JAKMIP1: variants seen among roughly 807,000 people sequenced by gnomAD.
JAKMIP1 encodes the protein janus kinase and microtubule-interacting protein 1.
Under a neutral mutation model 113.0 loss-of-function variants are expected in JAKMIP1, and 33 were observed. That is an observed-to-expected ratio of 0.29 (90% CI 0.22 to 0.39). JAKMIP1 has a LOEUF of 0.39. JAKMIP1 is among the 10% of genes least tolerant of loss of function. The pLI, the probability that JAKMIP1 is intolerant of heterozygous loss-of-function variation, is 1.00. For synonymous variants in JAKMIP1, 480 were observed against 459.9 expected, an observed-to-expected ratio of 1.04 and a Z score of -0.56; for missense variants, 813 against 1,080.5, an observed-to-expected ratio of 0.75 and a Z score of 3.47.
rs950191583 is a variant in JAKMIP1 at position 6,139,079 on chromosome 4, C to T, written c.-147-26082G>A. On this transcript the variant is annotated intron_variant, in intron 1 of 20. Coordinates refer to ENST00000409021, the MANE Select transcript of JAKMIP1 (RefSeq NM_001099433.2). This position sits in a 1 kb window ranked among gnomAD's most constrained non-coding sequence, Gnocchi z 5.2. ...AAACACACACACACACACACACACACACACATATACACACACACACACACA... is the reference window on the plus strand; with the variant it reads ...AAACACACACACACACACACACACATACACATATACACACACACACACACA... 5.1e-5 allele frequency among the ~76,000 whole-genome samples: 7 copies of T among 137,350 alleles called. No individual in the cohort carries two copies. The South Asian group carries it at 6.5e-4, about 13-fold the overall frequency. The allele number at this position is 137,350 out of a possible 152,430, so 90.1% of individuals were successfully genotyped here.
chr4:6,164,566 C>T (rs1220217154), intron 1 of JAKMIP1, among the ~76,000 whole-genome samples: 1 of 152,142 alleles, frequency 6.6e-6, no homozygotes, highest in African/African-American at 2.4e-5. Context: ...GAGCCTATGG[C>T]TGCTGTAGAT....
Position 6,058,993 on chromosome 4 carries a change from G to T in JAKMIP1, c.1644+1431C>A, listed in dbSNP as rs149872978. On this transcript the variant is annotated intron_variant, in intron 11 of 20. Coordinates refer to ENST00000409021, the MANE Select transcript of JAKMIP1 (RefSeq NM_001099433.2). ...TCTGTCCTCCTGCTTAATGTGTTAG[G>T]TATTATTATTAGCCCCATTTTAAAG... 4.5e-3 allele frequency among the ~76,000 whole-genome samples: 686 copies of T among 152,256 alleles called. 4 individuals are homozygous for T. The highest frequency in any genetic ancestry group is 0.016 in the African/African-American group (649 of 41,540).
At chr4:6,128,405 G>A (rs552619329) in intron 1 of JAKMIP1, among the ~76,000 whole-genome samples, 1 of 152,294 alleles carries the variant, frequency 6.6e-6, no homozygotes, top group East Asian at 1.9e-4. Context: ...CCGTAGCTGG[G>A]GCCCAGGGGC....
chr4:6,095,714 T>G (rs1428207535), intron 3 of JAKMIP1, among the ~76,000 whole-genome samples: 1 of 152,180 alleles, frequency 6.6e-6, no homozygotes, highest in Non-Finnish European at 1.5e-5. Flanking sequence ...TTTCCTTCGG[T>G]AGACTCCTGG....
intron 1 of JAKMIP1, among the ~76,000 whole-genome samples, chr4:6,170,554 A>ATAG (rs1724429838): frequency 6.7e-6 from 1 of 149,688 alleles, no homozygotes; most frequent in Admixed American, 6.6e-5. Context: ...CTCCATCACC[A>ATAG]TCACCACCAC....
Position 6,158,814 on chromosome 4 carries a change from C to T in JAKMIP1, c.-148+41439G>A, listed in dbSNP as rs892958684. Among the ~76,000 whole-genome samples, 11 of 152,078 alleles carry T rather than the reference C, an allele frequency of 7.2e-5. No homozygotes were observed. Among genetic ancestry groups the T allele is most frequent in the African/African-American group, 2.7e-4 (11 of 41,400 alleles). ...AATTTAAAACACATACTGGGCCGGG[C>T]GTGGTGACTCACACCTGTAATCTCA... On this transcript the variant is annotated intron_variant, in intron 1 of 20. Coordinates refer to ENST00000409021, the MANE Select transcript of JAKMIP1 (RefSeq NM_001099433.2). The surrounding 1 kb of genome is among the most constrained non-coding windows in gnomAD (Gnocchi z 5.3).
At chr4:6,195,096 G>C (rs1727706932) in intron 1 of JAKMIP1, among the ~76,000 whole-genome samples, 1 of 152,234 alleles carries the variant, frequency 6.6e-6, no homozygotes, top group Non-Finnish European at 1.5e-5. Flanking sequence ...TTTCCCAAAT[G>C]AGGAACCTGA....
rs188471624 is a variant in JAKMIP1 at position 6,080,945 on chromosome 4, G to A, written c.1102-633C>T. Among the ~76,000 whole-genome samples the A allele has an allele frequency of 4.0e-4, 59 of 146,190 alleles. No homozygotes were observed. The highest frequency in any genetic ancestry group is 1.5e-3 in the African/African-American group (56 of 37,830). On this transcript the variant is annotated intron_variant, in intron 6 of 20. Coordinates refer to ENST00000409021, the MANE Select transcript of JAKMIP1 (RefSeq NM_001099433.2). This position sits in a 1 kb window ranked among gnomAD's most constrained non-coding sequence, Gnocchi z 6.0. The stretch of plus-strand genomic sequence containing the variant: ...GAAATGAGCCTAGAAACCTGGGAGG[G>A]GAAGGCAGGGGAAGGAGAGGACTTC...
At position 6,098,738 on chromosome 4, in the gene JAKMIP1, A is replaced by G. The variant is rs200401491; in HGVS notation, c.624+6735T>C. On this transcript the variant is annotated intron_variant, in intron 3 of 20. Transcript: ENST00000409021. ...AAAGAAAGAAAAAGAAAGAAAGAGA[A>G]GGAAGGAAGGAAGGAAAGAAAGAGA... is the stretch of plus-strand genomic sequence containing the variant. Among the ~76,000 whole-genome samples, 3 of 5,290 alleles carry G rather than the reference A, an allele frequency of 5.7e-4. No individual in the cohort carries two copies. In the Admixed American group the frequency reaches 8.3e-3, roughly 15 times the overall value. 3.5% of individuals were successfully genotyped at this position (5,290 alleles called of 152,430 possible).
In JAKMIP1 at chr4:6,167,583, C is replaced by A. The variant is rs1723792297; in HGVS notation, c.-148+32670G>T. Among the ~76,000 whole-genome samples the A allele has an allele frequency of 6.6e-6, 1 of 152,168 alleles. No homozygotes were observed. Among genetic ancestry groups the A allele is most frequent in the African/African-American group, 2.4e-5 (1 of 41,434 alleles). ...CTGATGCCATCTTGAAATTCTTAAC[C>A]ATTTTTTAACAAGGAGCCCCAAAAA... On this transcript the variant is annotated intron_variant, in intron 1 of 20. Coordinates refer to ENST00000409021, the MANE Select transcript of JAKMIP1 (RefSeq NM_001099433.2). The surrounding 1 kb of genome is among the most constrained non-coding windows in gnomAD (Gnocchi z 5.3).
At position 6,059,868 on chromosome 4, in the gene JAKMIP1, C is replaced by G. The variant is rs181056015; in HGVS notation, c.1644+556G>C. ...CACCCAGAGCCCTCTCTGGCTCCCC[C>G]ACTCCAGGGGACAGGTCTAGGCCCA... On this transcript the variant is annotated intron_variant, in intron 11 of 20. Transcript: ENST00000409021. This position sits in a 1 kb window ranked among gnomAD's most constrained non-coding sequence, Gnocchi z 4.8. Among the ~76,000 whole-genome samples the G allele has an allele frequency of 1.3e-5, 2 of 152,244 alleles. No homozygotes were observed. Among genetic ancestry groups the G allele is most frequent in the Admixed American group, 1.3e-4 (2 of 15,308 alleles).
At chr4:6,074,644 C>T (rs185819342) in intron 8 of JAKMIP1, among the ~76,000 whole-genome samples, 91 of 152,314 alleles carry the variant, frequency 6.0e-4, no homozygotes, top group South Asian at 8.3e-4. Flanking sequence ...ATATAACCTA[C>T]GCACATCCTC....
At position 6,057,704 on chromosome 4, in the gene JAKMIP1, C is replaced by T. The variant is rs116126062; in HGVS notation, c.1645-945G>A. Among the ~76,000 whole-genome samples the T allele has an allele frequency of 5.7e-3, 872 of 152,310 alleles. 13 individuals carry two copies. Among genetic ancestry groups the T allele is most frequent in the African/African-American group, 0.02 (834 of 41,572 alleles). On this transcript the variant is annotated intron_variant, in intron 11 of 20. Transcript: ENST00000409021. ...CCACCTCTGTGTGCACCCCCTCTGC[C>T]ATGTGACTTGGCAGCTCCTCCCAGC...
rs1719507174 is a variant in JAKMIP1, at chr4:6,138,005, C to T, written c.-147-25008G>A. Among the ~76,000 whole-genome samples, 1 of 152,186 alleles carries T rather than the reference C, an allele frequency of 6.6e-6. No individual in the cohort carries two copies. Among genetic ancestry groups the T allele is most frequent in the African/African-American group, 2.4e-5 (1 of 41,438 alleles). On this transcript the variant is annotated intron_variant, in intron 1 of 20. Coordinates refer to ENST00000409021, the MANE Select transcript of JAKMIP1 (RefSeq NM_001099433.2). The surrounding 1 kb of genome is among the most constrained non-coding windows in gnomAD (Gnocchi z 6.0). ...GCTCTGGGACAGTGGCTCCCAATGC[C>T]CCAGCTCCCAGAGGTGGCAGAGGTG...
At position 6,051,078 on chromosome 4, in the gene JAKMIP1, C is replaced by T. The variant is rs1304513060; in HGVS notation, c.1807-399G>A. 6.6e-6 allele frequency among the ~76,000 whole-genome samples: 1 copy of T among 152,248 alleles called. No homozygotes were observed. The highest frequency in any genetic ancestry group is 6.5e-5 in the Admixed American group (1 of 15,288). ...AGGCACACCACTCTCCCGTCTAATCCTCACACTACCCCAGGAGGCAGGCTC... is the reference window on the plus strand; with the variant it reads ...AGGCACACCACTCTCCCGTCTAATCTTCACACTACCCCAGGAGGCAGGCTC... On this transcript the variant is annotated intron_variant, in intron 13 of 20. Coordinates refer to ENST00000409021, the MANE Select transcript of JAKMIP1 (RefSeq NM_001099433.2). This position sits in a 1 kb window ranked among gnomAD's most constrained non-coding sequence, Gnocchi z 5.0.
intron 3 of JAKMIP1, among the ~76,000 whole-genome samples, chr4:6,105,260 A>T (rs1299898007): frequency 1.3e-5 from 2 of 152,208 alleles, no homozygotes; most frequent in Admixed American, 6.5e-5. Flanking sequence ...GTCTCCATTA[A>T]GCTCCTTTGA....
chr4:6,182,395 C>T (rs1259245878), intron 1 of JAKMIP1, among the ~76,000 whole-genome samples: 20 of 121,790 alleles, frequency 1.6e-4, no homozygotes, highest in African/African-American at 6.1e-4. Context: ...GGTAACAGAG[C>T]GAGACCCTGT....
rs528070431 is a variant in JAKMIP1, at chr4:6,136,194, C to T, written c.-147-23197G>A. Among the ~76,000 whole-genome samples, 19 of 151,392 alleles carry T rather than the reference C, an allele frequency of 1.3e-4. No individual in the cohort carries two copies. Among genetic ancestry groups the T allele is most frequent in the African/African-American group, 2.2e-4 (9 of 41,216 alleles). ...CCAGGAAATGGAGGTTGCAGTGAGC[C>T]GAGATCACACCACTGCACTCCAGCC... On this transcript the variant is annotated intron_variant, in intron 1 of 20. Coordinates refer to ENST00000409021, the MANE Select transcript of JAKMIP1 (RefSeq NM_001099433.2). The surrounding 1 kb of genome is among the most constrained non-coding windows in gnomAD (Gnocchi z 5.9).
At chr4:6,034,255 A>G (rs1387162203) in intron 19 of JAKMIP1, among the ~76,000 whole-genome samples, 2 of 117,170 alleles carry the variant, frequency 1.7e-5, no homozygotes, top group African/African-American at 4.9e-5. Context: ...AGGCATTGTC[A>G]TCATCCCCAT....
Sources: gnomAD v4.1 joint callset for allele counts (sites outside exome capture counted in the v4.1 genomes callset) on GRCh38, gnomAD v4.1.1 for gene constraint, Gnocchi (gnomAD v3.1) non-coding constraint, MANE v1.5 for transcripts, NCBI Gene and HGNC (gene_info 2026-07-23, HGNC 2026-07-21) for gene names.